NRXN3: variants seen among roughly 807,000 people sequenced by gnomAD.
NRXN3 encodes neurexin 3, also known as neurexin III.
A neutral mutation model predicts 137.6 loss-of-function variants in NRXN3; 32 were observed. The ratio of observed to expected loss-of-function variants is 0.23; its 90% CI spans 0.18 to 0.31. The LOEUF (loss-of-function observed/expected upper bound fraction) is 0.31, where lower values mean the gene tolerates loss of function less well. NRXN3 is among the 10% of genes least tolerant of loss of function. NRXN3 has a pLI of 1.00. For synonymous variants in NRXN3, 798 were observed against 784.5 expected (o/e 1.02, Z -0.29); for missense variants, 1,574 against 2,062.5 (o/e 0.76, Z 4.59).
intron 16 of NRXN3, among the ~76,000 whole-genome samples, chr14:79,568,695 C>T (rs2097571468): frequency 6.6e-6 from 1 of 152,140 alleles, no homozygotes; most frequent in Admixed American, 6.6e-5. Context: ...GATTCAAATG[C>T]CCAGTCCATG....
intron 15 of NRXN3, among the ~76,000 whole-genome samples, chr14:79,466,058 A>G (rs1249142666): frequency 6.6e-6 from 1 of 152,186 alleles, no homozygotes; most frequent in African/African-American, 2.4e-5. Flanking sequence ...TATTCTTAGT[A>G]ACTCCTGAGT....
chr14:78,453,379 G>A (rs2094597968), intron 4 of NRXN3, among the ~76,000 whole-genome samples: 1 of 152,210 alleles, frequency 6.6e-6, no homozygotes, highest in South Asian at 2.1e-4. Flanking sequence ...AGGAGAAAGG[G>A]TGGATGATAT....
At chr14:78,633,095 TA>T (rs142980940) in intron 4 of NRXN3, among the ~76,000 whole-genome samples, 44 of 147,706 alleles carry the variant, frequency 3.0e-4, no homozygotes, top group Middle Eastern at 3.4e-3. Context: ...AATAAAAAAT[TA>T]AAAAAAAAAT....
At chr14:79,398,926 C>T (rs1247643295) in intron 15 of NRXN3, among the ~76,000 whole-genome samples, 1 of 139,414 alleles carries the variant, frequency 7.2e-6, no homozygotes, top group Non-Finnish European at 1.5e-5. Flanking sequence ...AGGAGAATCA[C>T]TTGAACCTGG....
At chr14:78,551,011 T>C (rs2096683162) in intron 4 of NRXN3, among the ~76,000 whole-genome samples, 1 of 152,222 alleles carries the variant, frequency 6.6e-6, no homozygotes, top group Admixed American at 6.5e-5. Flanking sequence ...TTAATCTCTG[T>C]GTGCCTCAAT....
At chr14:78,538,799 G>C (rs774453673) in intron 4 of NRXN3, among the ~76,000 whole-genome samples, 4 of 152,162 alleles carry the variant, frequency 2.6e-5, no homozygotes, top group Non-Finnish European at 5.9e-5. Flanking sequence ...TCAATACCTA[G>C]TTTATTGAGA....
intron 19 of NRXN3, among the ~76,000 whole-genome samples, chr14:79,794,828 G>T (rs1269490391): frequency 6.6e-6 from 1 of 152,168 alleles, no homozygotes; most frequent in East Asian, 1.9e-4. Context: ...CTGTGCCATT[G>T]GGGCATCAGG....
At chr14:79,133,172 G>T (rs2057785643) in intron 15 of NRXN3, among the ~76,000 whole-genome samples, 1 of 152,236 alleles carries the variant, frequency 6.6e-6, no homozygotes, top group African/African-American at 2.4e-5. Flanking sequence ...TTCCCATGAA[G>T]ATATTGATTA....
At chr14:79,721,612 C>T (rs191264864) in intron 19 of NRXN3, among the ~76,000 whole-genome samples, 41 of 152,146 alleles carry the variant, frequency 2.7e-4, no homozygotes, top group Admixed American at 5.2e-4. Flanking sequence ...GAGCTAAATA[C>T]GTATAGGTTG....
intron 20 of NRXN3, among the ~76,000 whole-genome samples, chr14:79,844,746 C>A (rs2099363502): frequency 6.6e-6 from 1 of 152,156 alleles, no homozygotes; most frequent in Middle Eastern, 3.4e-3. Flanking sequence ...TCTTAAGAAC[C>A]CTAGGAATTT....
chr14:79,849,291 AAAG>A (rs2099386890), intron 20 of NRXN3, among the ~76,000 whole-genome samples: 1 of 152,212 alleles, frequency 6.6e-6, no homozygotes, highest in Admixed American at 6.5e-5. Context: ...TCTTCACAGC[AAAG>A]AAATCAATAC....
chr14:79,769,905 C>A (rs1411346508), intron 19 of NRXN3, among the ~76,000 whole-genome samples: 1 of 151,890 alleles, frequency 6.6e-6, no homozygotes, highest in African/African-American at 2.4e-5. Flanking sequence ...CACACATAGG[C>A]TCAAAATAAA....
rs376797218 is a variant in NRXN3 at position 78,360,941 on chromosome 14, A to C, written c.757+63081A>C. ...CTCAGGTACCCCAATCCACTGAGGT[A>C]TATGTCATCCTCCCAACAGTGATGA... On this transcript the variant is annotated intron_variant, in intron 4 of 20. Coordinates refer to ENST00000335750, the MANE Select transcript of NRXN3 (RefSeq NM_001330195.2). Among the ~76,000 whole-genome samples, 446 of 152,288 alleles carry C rather than the reference A, an allele frequency of 2.9e-3. 2 individuals are homozygous for C. Among genetic ancestry groups the C allele is most frequent in the Middle Eastern group, 0.01 (3 of 294 alleles).
At chr14:79,440,856 A>G (rs2095928524) in intron 15 of NRXN3, among the ~76,000 whole-genome samples, 1 of 152,190 alleles carries the variant, frequency 6.6e-6, no homozygotes. Flanking sequence ...GCTAGCTTAG[A>G]TGGCTCTAGT....
intron 12 of NRXN3, 90 bp downstream of exon 12, chr14:78,966,496 C>T (rs1254829527): frequency 1.5e-6 from 2 of 1,325,822 alleles, no homozygotes; most frequent in Admixed American, 4.4e-5. Context: ...CTTGTCTATT[C>T]TACTCCCTAC....
intron 15 of NRXN3, among the ~76,000 whole-genome samples, chr14:79,399,512 A>G (rs2095128454): frequency 6.6e-6 from 1 of 152,170 alleles, no homozygotes; most frequent in Non-Finnish European, 1.5e-5. Flanking sequence ...TTGGAGAGCA[A>G]TTAGATGTGG....
intron 15 of NRXN3, among the ~76,000 whole-genome samples, chr14:79,306,324 T>C (rs752376349): frequency 5.3e-5 from 8 of 152,230 alleles, no homozygotes; most frequent in South Asian, 2.1e-4. Context: ...CAACTCTTCC[T>C]TTTTATGCTT....
intron 15 of NRXN3, among the ~76,000 whole-genome samples, chr14:79,006,742 A>T (rs551869695): frequency 2.6e-5 from 4 of 152,262 alleles, no homozygotes; most frequent in African/African-American, 9.6e-5. Flanking sequence ...TTATTCTATG[A>T]TTTCCAGTGG....
intron 10 of NRXN3, among the ~76,000 whole-genome samples, chr14:78,933,752 A>G (rs1472373375): frequency 6.6e-6 from 1 of 152,204 alleles, no homozygotes; most frequent in African/African-American, 2.4e-5. Context: ...ATTACCTCAC[A>G]TAGTTATCAT....
Sources: gnomAD v4.1 joint callset for allele counts (sites outside exome capture counted in the v4.1 genomes callset) on GRCh38, gnomAD v4.1.1 for gene constraint, MANE v1.5 for transcripts, NCBI Gene and HGNC (gene_info 2026-07-23, HGNC 2026-07-21) for gene names.